Variants in RYR3 observed in about 807,000 individuals in gnomAD.
RYR3 encodes ryanodine receptor 3.
A neutral mutation model predicts 584.3 loss-of-function variants in RYR3; 207 were observed. The observed-to-expected ratio is 0.35, with a 90% CI of 0.32 to 0.40. The LOEUF is 0.40. RYR3 is among the 10% of genes least tolerant of loss of function. The pLI, the probability that RYR3 is intolerant of heterozygous loss-of-function variation, is 1.00. For synonymous variants in RYR3, 2,416 were observed against 2,248.5 expected, an observed-to-expected ratio of 1.07 and a Z score of -2.11; for missense variants, 5,616 against 6,089.2, an observed-to-expected ratio of 0.92 and a Z score of 2.59.
At chr15:33,372,932 A>G (rs546908530) in intron 1 of RYR3, among the ~76,000 whole-genome samples, 1 of 152,332 alleles carries the variant, frequency 6.6e-6, no homozygotes, top group African/African-American at 2.4e-5. Context: ...GTGCCCAACA[A>G]TAGATAACCT....
At chr15:33,555,069 G>C (rs935233556) in intron 10 of RYR3, among the ~76,000 whole-genome samples, 1 of 152,132 alleles carries the variant, frequency 6.6e-6, no homozygotes, top group Admixed American at 6.5e-5. Context: ...CCCAATTAGA[G>C]GAAATTTTTT....
At chr15:33,389,655 T>C (rs2041864941) in intron 1 of RYR3, among the ~76,000 whole-genome samples, 1 of 152,202 alleles carries the variant, frequency 6.6e-6, no homozygotes, top group Non-Finnish European at 1.5e-5. Flanking sequence ...TTGTCCTGTG[T>C]TTAAAATCTG....
chr15:33,473,685 C>G, intron 2 of RYR3, 147 bp downstream of exon 2: 2 of 813,626 alleles, frequency 2.5e-6, no homozygotes, highest in Non-Finnish European at 3.8e-6. Flanking sequence ...TGGTTTAAAC[C>G]ATAACTTTCC....
chr15:33,855,256 G>A (rs533986782), intron 98 of RYR3, among the ~76,000 whole-genome samples: 55 of 152,040 alleles, frequency 3.6e-4, no homozygotes, highest in African/African-American at 1.0e-3. Flanking sequence ...GGAGTGCAGC[G>A]GTGGGATCTT....
At chr15:33,597,800 A>G (rs1307606467) in intron 16 of RYR3, among the ~76,000 whole-genome samples, 1 of 150,578 alleles carries the variant, frequency 6.6e-6, no homozygotes, top group Non-Finnish European at 1.5e-5. Context: ...GCTCTTTTAT[A>G]TATTGTTAGT....
intron 43 of RYR3, among the ~76,000 whole-genome samples, chr15:33,713,398 G>A (rs1281675371): frequency 6.6e-6 from 1 of 151,876 alleles, no homozygotes; most frequent in Non-Finnish European, 1.5e-5. Context: ...AGGTAGACAT[G>A]GTGATGGTGG....
intron 3 of RYR3, among the ~76,000 whole-genome samples, chr15:33,509,145 C>G (rs1480938241): frequency 2.0e-5 from 3 of 152,204 alleles, no homozygotes; most frequent in Non-Finnish European, 2.9e-5. Flanking sequence ...AATTGGCTAA[C>G]AGTGCATCTG....
chr15:33,785,738 C>T lies in RYR3; in HGVS notation c.9345C>T (p.Asn3115=), dbSNP rs777176325. ...TGGAAGGCCTGATGAAGGAAATCAA[C>T]GACCTGGCCGAGTCAGGGGCCCGGT... ...PQLEGLMKEI[N]DLAESGARYT... The change falls in exon 66 of 104, where the codon AAC becomes AAT. Residue 3115 remains asparagine (N), a synonymous_variant. Coordinates refer to ENST00000634891, the MANE Select transcript of RYR3 (RefSeq NM_001036.6). The T allele has an allele frequency of 3.8e-5, 61 of 1,613,700 alleles. No individual in the cohort carries two copies. Among genetic ancestry groups the T allele is most frequent in the African/African-American group, 5.3e-5 (4 of 74,926 alleles).
intron 60 of RYR3, among the ~76,000 whole-genome samples, chr15:33,764,236 C>T (rs975930002): frequency 1.3e-5 from 2 of 152,088 alleles, no homozygotes; most frequent in African/African-American, 4.8e-5. Flanking sequence ...ACCATGGAAT[C>T]CTATGCAGCC....
chr15:33,615,949 A>G (rs1415537794), intron 19 of RYR3, among the ~76,000 whole-genome samples: 2 of 152,164 alleles, frequency 1.3e-5, no homozygotes, highest in Admixed American at 6.5e-5. Flanking sequence ...ATACAACACA[A>G]CAGTGTTGGG....
At chr15:33,396,748 C>CAGTT (rs1235815396) in intron 1 of RYR3, among the ~76,000 whole-genome samples, 12 of 152,280 alleles carry the variant, frequency 7.9e-5, no homozygotes, top group Middle Eastern at 3.4e-3. Context: ...CAGCTCCAGC[C>CAGTT]AGTTGGTGGT....
chr15:33,649,386 T>C (rs1193233482), intron 31 of RYR3, among the ~76,000 whole-genome samples, 151 bp downstream of exon 31: 1 of 152,164 alleles, frequency 6.6e-6, no homozygotes, highest in Non-Finnish European at 1.5e-5. Flanking sequence ...AACAAACCGG[T>C]ACTATGACAG....
chr15:33,378,431 C>T (rs16970392), intron 1 of RYR3, among the ~76,000 whole-genome samples: 20,946 of 152,166 alleles, frequency 0.14, 1,681 homozygotes, highest in East Asian at 0.37. Context: ...AAAAGGGTTC[C>T]TCATCCCAGG....
rs142164154 is a variant in RYR3, at chr15:33,744,680, G to A, written c.7900-1388G>A. Among the ~76,000 whole-genome samples the A allele has an allele frequency of 3.8e-3, 573 of 152,264 alleles. 1 individual carries two copies. Among genetic ancestry groups the A allele is most frequent in the Middle Eastern group, 0.037 (11 of 294 alleles). Reference sequence around the variant, plus strand: ...AGCCATTTGTCACAAGGAAGTAAGCGCGCTGCCGGCCTTGGGAACAGCAGG... The same window carrying A: ...AGCCATTTGTCACAAGGAAGTAAGCACGCTGCCGGCCTTGGGAACAGCAGG... On this transcript the variant is annotated intron_variant, in intron 52 of 103. Transcript: ENST00000634891.
intron 3 of RYR3, among the ~76,000 whole-genome samples, chr15:33,514,265 G>A (rs2140901412): frequency 6.6e-6 from 1 of 152,264 alleles, no homozygotes; most frequent in South Asian, 2.1e-4. Context: ...AGAATCACCT[G>A]GTGCCATCCT....
At position 33,681,838 on chromosome 15, in the gene RYR3, A is replaced by G. The variant is rs139940356; in HGVS notation, c.5860+11282A>G. On this transcript the variant is annotated intron_variant, in intron 38 of 103. Coordinates refer to ENST00000634891, the MANE Select transcript of RYR3 (RefSeq NM_001036.6). ...TTTCTTCCAAACTGACCCAGATTTA[A>G]GAGCACTCACAAAGATACAACACCA... Among the ~76,000 whole-genome samples the G allele has an allele frequency of 2.0e-5, 3 of 152,284 alleles. No individual in the cohort carries two copies. In the East Asian group the frequency reaches 5.8e-4, roughly 29 times the overall value.
chr15:33,724,292 A>C, intron 45 of RYR3, 116 bp downstream of exon 45: 1 of 641,370 alleles, frequency 1.6e-6, no homozygotes, highest in East Asian at 2.8e-5. Flanking sequence ...GCCTTTTTCT[A>C]GGTCCCTTTT....
chr15:33,796,962 G>A (rs760872386), intron 67 of RYR3, among the ~76,000 whole-genome samples: 5 of 152,166 alleles, frequency 3.3e-5, no homozygotes, highest in South Asian at 2.1e-4. Context: ...TTATAGCAAC[G>A]TGCATGGATT....
chr15:33,627,121 C>T (rs1401122363), intron 20 of RYR3, among the ~76,000 whole-genome samples: 1 of 152,120 alleles, frequency 6.6e-6, no homozygotes, highest in African/African-American at 2.4e-5. Context: ...GCAGGTCCTC[C>T]TGAAATGGAT....
Sources: gnomAD v4.1 joint callset for allele counts (sites outside exome capture counted in the v4.1 genomes callset) on GRCh38, gnomAD v4.1.1 for gene constraint, MANE v1.5 for transcripts, NCBI Gene and HGNC (gene_info 2026-07-23, HGNC 2026-07-21) for gene names.